GALK2: variants seen among roughly 807,000 people sequenced by gnomAD.
GALK2 encodes the protein galactokinase 2.
GALK2 carries 36 observed loss-of-function variants against 52.4 expected under a neutral mutation model. The observed-to-expected ratio is 0.69, with a 90% CI of 0.53 to 0.91. GALK2 has a LOEUF of 0.91. Among genes scored for constraint, GALK2 ranks in the 40% least tolerant of loss-of-function variants. The probability of loss-of-function intolerance (pLI) is 0.00; values close to 1 mark genes in which losing one functional copy is unlikely to be tolerated. For missense variants in GALK2, 579 were observed against 559.1 expected, an observed-to-expected ratio of 1.04 and a Z score of -0.36; for synonymous variants, 176 against 199.1, an observed-to-expected ratio of 0.88 and a Z score of 0.98.
At chr15:49,223,244 A>G (rs1251563100) in intron 3 of GALK2, 1 of 151,318 alleles carries the variant, frequency 6.6e-6, no homozygotes, top group East Asian at 1.9e-4. Flanking sequence ...TCCTTTTTTG[A>G]TTCTGATTTT....
chr15:49,181,029 T>C (rs1228269210), intron 1 of GALK2, among the ~76,000 whole-genome samples: 1 of 124,686 alleles, frequency 8.0e-6, no homozygotes, highest in Non-Finnish European at 1.8e-5. Context: ...CAATCCTTCC[T>C]TCCTTCCTTC....
chr15:49,164,801 A>G (rs1430448005), intron 1 of GALK2, among the ~76,000 whole-genome samples: 2 of 150,982 alleles, frequency 1.3e-5, no homozygotes, highest in South Asian at 2.1e-4. Flanking sequence ...AAAAAAAAAA[A>G]AAAAAGAAAT....
chr15:49,317,368 C>T (rs999772570), intron 8 of GALK2, among the ~76,000 whole-genome samples: 4 of 133,526 alleles, frequency 3.0e-5, no homozygotes, highest in African/African-American at 1.0e-4. Flanking sequence ...GATACCATCT[C>T]ACACCAGTTA....
intron 5 of GALK2, among the ~76,000 whole-genome samples, chr15:49,264,418 C>T (rs2092273997): frequency 6.6e-6 from 1 of 152,148 alleles, no homozygotes; most frequent in South Asian, 2.1e-4. Flanking sequence ...CTTTCAGCTC[C>T]ATCAGCTCCT....
chr15:49,193,454 CATAA>C (rs2086936156), intron 1 of GALK2, among the ~76,000 whole-genome samples: 1 of 151,398 alleles, frequency 6.6e-6, no homozygotes, highest in South Asian at 2.1e-4. Context: ...GTGTTTTTGC[CATAA>C]ATGTTTTAAA....
chr15:49,162,093 T>C (rs1231830058), intron 1 of GALK2, among the ~76,000 whole-genome samples: 1 of 152,194 alleles, frequency 6.6e-6, no homozygotes, highest in African/African-American at 2.4e-5. Context: ...ATAATGAACA[T>C]ATTATCACTG....
At chr15:49,170,884 AG>A (rs2085031259) in intron 1 of GALK2, among the ~76,000 whole-genome samples, 1 of 152,120 alleles carries the variant, frequency 6.6e-6, no homozygotes, top group African/African-American at 2.4e-5. Flanking sequence ...AGTAACTAAT[AG>A]TTTAGTGATG....
chr15:49,210,591 C>T (rs972252870), intron 2 of GALK2, among the ~76,000 whole-genome samples: 1 of 152,030 alleles, frequency 6.6e-6, no homozygotes. Context: ...AGGCACCCAC[C>T]ACCATGCTTG....
At chr15:49,170,174 G>T, upstream of GALK2, 1 of 1,462,684 alleles carries the variant, frequency 6.8e-7, no homozygotes, top group Non-Finnish European at 9.0e-7. Context: ...ATTGGAAGCA[G>T]CCACCTCAGC....
At chr15:49,299,747 C>CTTTCTTTCTTTCTTTTCT (rs1567037363) in intron 8 of GALK2, among the ~76,000 whole-genome samples, 1 of 121,578 alleles carries the variant, frequency 8.2e-6, no homozygotes, top group Non-Finnish European at 1.7e-5. Context: ...TTCTTTCTTT[C>CTTTCTTTCTTTCTTTTCT]TTTCTTTCTT....
intron 5 of GALK2, among the ~76,000 whole-genome samples, chr15:49,269,212 C>G (rs1431917111): frequency 6.6e-6 from 1 of 152,072 alleles, no homozygotes; most frequent in Admixed American, 6.5e-5. Context: ...TTTGGTTCTC[C>G]CATGGTGTGT....
chr15:49,356,424 G>T (rs1180830795), intron 3 of GALK2, among the ~76,000 whole-genome samples: 3 of 150,372 alleles, frequency 2.0e-5, no homozygotes, highest in Non-Finnish European at 4.4e-5. Context: ...AAAAGGCAGG[G>T]GTTGCAATCC....
chr15:49,229,156 T>C (rs2090360992), intron 3 of GALK2, among the ~76,000 whole-genome samples: 1 of 152,202 alleles, frequency 6.6e-6, no homozygotes, highest in African/African-American at 2.4e-5. Flanking sequence ...ACCTATGATA[T>C]TGGTTGGGTT....
intron 5 of GALK2, among the ~76,000 whole-genome samples, chr15:49,259,273 G>A (rs1469205237): frequency 1.3e-5 from 2 of 151,258 alleles, no homozygotes; most frequent in Non-Finnish European, 2.9e-5. Context: ...GTGCCATGCT[G>A]TTGTGCTGCA....
chr15:49,335,910 T>C (rs180914844), downstream of GALK2, among the ~76,000 whole-genome samples: 5 of 152,292 alleles, frequency 3.3e-5, no homozygotes, highest in Admixed American at 3.3e-4. Flanking sequence ...TGGAGTGTGG[T>C]AACATGATCA....
downstream of GALK2, among the ~76,000 whole-genome samples, chr15:49,335,041 GCCCAGCTGCCAC>G (rs2039460666): frequency 6.6e-6 from 1 of 152,118 alleles, no homozygotes; most frequent in Admixed American, 6.5e-5. Flanking sequence ...CTTGACACCA[GCCCAGCTGCCAC>G]CCCAGCTCCA....
At chr15:49,351,809 G>A (rs181970817) in intron 3 of GALK2, among the ~76,000 whole-genome samples, 7 of 152,304 alleles carry the variant, frequency 4.6e-5, no homozygotes, top group South Asian at 2.1e-4. Context: ...TCTGAATTGG[G>A]GCTAAGGAGC....
chr15:49,244,067 A>G (rs113509480), intron 5 of GALK2, among the ~76,000 whole-genome samples: 3,849 of 152,234 alleles, frequency 0.025, 91 homozygotes, highest in African/African-American at 0.051. Flanking sequence ...AAATCCATCC[A>G]ACTAGTAAGG....
chr15:49,361,549 C>T (rs1017362770), intron 3 of GALK2, among the ~76,000 whole-genome samples: 1 of 152,156 alleles, frequency 6.6e-6, no homozygotes, highest in Non-Finnish European at 1.5e-5. Flanking sequence ...CCTCCAGCTC[C>T]ATTCATATTG....
Sources: allele counts gnomAD v4.1 joint callset (sites outside exome capture counted in the v4.1 genomes callset), GRCh38; gene constraint gnomAD v4.1.1; transcripts MANE v1.5; gene names NCBI Gene and HGNC (gene_info 2026-07-23, HGNC 2026-07-21).